WDR62: variants seen among roughly 807,000 people sequenced by gnomAD.
The protein encoded by WDR62 is WD repeat-containing protein 62.
In WDR62, 112 loss-of-function variants were observed where a neutral mutation model predicts 160.6. That is an observed-to-expected ratio of 0.70 (90% CI 0.60 to 0.82). The LOEUF is 0.82. WDR62 is among the 40% of genes least tolerant of loss of function. The pLI, the probability that WDR62 is intolerant of heterozygous loss-of-function variation, is 0.00. For missense variants in WDR62, 1,819 were observed against 1,983.8 expected, an observed-to-expected ratio of 0.92 and a Z score of 1.58; for synonymous variants, 792 against 815.1, an observed-to-expected ratio of 0.97 and a Z score of 0.48.
intron 21 of WDR62, among the ~76,000 whole-genome samples, chr19:36,098,212 T>C (rs1280549409): frequency 4.6e-5 from 7 of 151,344 alleles, no homozygotes; most frequent in African/African-American, 1.7e-4. Flanking sequence ...GAGGCTGCAG[T>C]GATCGTGCTA....
At chr19:36,077,188 T>C (rs950832782) in intron 9 of WDR62, among the ~76,000 whole-genome samples, 1 of 151,942 alleles carries the variant, frequency 6.6e-6, no homozygotes, top group African/African-American at 2.4e-5. Flanking sequence ...CCCCCATCCA[T>C]GGAAATGACT....
chr19:36,056,178 T>C lies in WDR62; in HGVS notation c.177+1030T>C, dbSNP rs531929087. Among the ~76,000 whole-genome samples, 410 of 152,130 alleles carry C rather than the reference T, an allele frequency of 2.7e-3. 3 individuals carry two copies. Among genetic ancestry groups the C allele is most frequent in the African/African-American group, 9.5e-3 (394 of 41,512 alleles). ...GAGACTCTGTCTCAAAATAAATAAATAAATAAATTATACTATTGCATTGGA... is the reference window on the plus strand; with the variant it reads ...GAGACTCTGTCTCAAAATAAATAAACAAATAAATTATACTATTGCATTGGA... On this transcript the variant is annotated intron_variant, in intron 1 of 31. Transcript: ENST00000401500.
intron 3 of WDR62, chr19:36,061,929 C>G (rs927139470): frequency 1.3e-5 from 2 of 151,896 alleles, no homozygotes; most frequent in Admixed American, 1.3e-4. Flanking sequence ...ACATATTTCA[C>G]AAATGTTAGC....
Position 36,073,048 on chromosome 19 carries a change from CAG to C in WDR62, c.1044-285_1044-284del, listed in dbSNP as rs1387865106. Reference sequence around the variant, plus strand: ...TACATGCCTATTATCTTTCTATGCTCAGAGAGAGAGCAGGAGCTTGGGTTGGG... The same window carrying C: ...TACATGCCTATTATCTTTCTATGCTCAGAGAGAGCAGGAGCTTGGGTTGGG... On this transcript the variant is annotated intron_variant, in intron 8 of 31. Coordinates refer to ENST00000401500, the MANE Select transcript of WDR62 (RefSeq NM_001083961.2). Among the ~76,000 whole-genome samples, 3 of 152,092 alleles carry C rather than the reference CAG, an allele frequency of 2.0e-5. No individual in the cohort carries two copies. In the East Asian group the frequency reaches 5.8e-4, roughly 29 times the overall value.
intron 13 of WDR62, among the ~76,000 whole-genome samples, chr19:36,088,435 G>C (rs1468258561): frequency 2.0e-5 from 3 of 152,232 alleles, no homozygotes; most frequent in Non-Finnish European, 4.4e-5. Context: ...GTACGGACCG[G>C]AAGTTGAGGC....
intron 20 of WDR62, among the ~76,000 whole-genome samples, chr19:36,094,738 T>G (rs1316604510): frequency 6.6e-6 from 1 of 151,386 alleles, no homozygotes; most frequent in Non-Finnish European, 1.5e-5. Context: ...AAAAAAAAAT[T>G]TTTTAAAGAA....
rs1045094959 is a variant in WDR62 at position 36,097,046 on chromosome 19, C to G, written c.2487C>G (p.Thr829=). Residue 829 remains threonine, a synonymous_variant, in exon 21 of 32, where the codon ACC becomes ACG. Coordinates refer to ENST00000401500, the MANE Select transcript of WDR62 (RefSeq NM_001083961.2). The part of the protein sequence containing the change: ...SLDPDPRCLL[T]NGKLPLWAKR... ...TTCCAGATCCTCGTTGCCTGCTAAC[C>G]AACGGCAAGCTGCCACTGTGGGCAA... 1.2e-6 allele frequency: 2 copies of G among 1,613,468 alleles called. No homozygotes were observed. The highest frequency in any genetic ancestry group is 3.3e-5 in the Admixed American group (2 of 59,942).
At position 36,071,781 on chromosome 19, in the gene WDR62, C is replaced by T. The variant is rs534656209; in HGVS notation, c.1043+65C>T. On this transcript the variant is annotated intron_variant, in intron 8 of 31. Transcript: ENST00000401500. ...CAGAGTCTGTCCACTGGCATTCATC[C>T]ATGCTTCCAGATCCATCTATCTGTC... 3.9e-6 allele frequency: 6 copies of T among 1,557,628 alleles called. No individual in the cohort carries two copies. The East Asian group carries it at 9.0e-5, about 23-fold the overall frequency.
At chr19:36,066,568 T>C (rs1970954566) in intron 5 of WDR62, 141 bp downstream of exon 5, 1 of 901,812 alleles carries the variant, frequency 1.1e-6, no homozygotes, top group Admixed American at 2.1e-5. Context: ...ACCTGTGACA[T>C]GCTGATCCCT....
chr19:36,085,455 C>T (rs1163269645), intron 12 of WDR62, among the ~76,000 whole-genome samples: 2 of 114,568 alleles, frequency 1.7e-5, no homozygotes, highest in Admixed American at 2.4e-4. Context: ...GAGTCTCACT[C>T]TGTCGCCCTG....
At chr19:36,073,935 C>A in intron 9 of WDR62, 1 of 357,092 alleles carries the variant, frequency 2.8e-6, no homozygotes, top group Admixed American at 3.7e-5. Context: ...AGAGGCCCTG[C>A]GGCAGGAACA....
chr19:36,101,074 G>A (rs1448193987), intron 23 of WDR62, 140 bp from the exon 24 acceptor site: 5 of 1,149,074 alleles, frequency 4.4e-6, no homozygotes, highest in Non-Finnish European at 6.4e-6. Context: ...GAAGGAGGGG[G>A]CATTTGGAGG....
chr19:36,058,204 T>C (rs978192170), intron 1 of WDR62, among the ~76,000 whole-genome samples: 3 of 151,940 alleles, frequency 2.0e-5, no homozygotes, highest in African/African-American at 7.3e-5. Context: ...ATACAAAAAT[T>C]AGCCGGACAT....
At chr19:36,074,216 T>C (rs777266213) in intron 9 of WDR62, 2 of 170,790 alleles carry the variant, frequency 1.2e-5, no homozygotes, top group Non-Finnish European at 2.6e-5. Flanking sequence ...GAAGATCACT[T>C]GAGCCTGGGA....
At chr19:36,081,388 T>C (rs1971889423) in intron 9 of WDR62, 45 bp from the exon 10 acceptor site, 2 of 1,506,898 alleles carry the variant, frequency 1.3e-6, no homozygotes. Context: ...TAAGTCATAG[T>C]GCTGTCATTG....
intron 13 of WDR62, among the ~76,000 whole-genome samples, chr19:36,087,321 A>G (rs555764341): frequency 3.9e-5 from 6 of 152,206 alleles, no homozygotes; most frequent in African/African-American, 1.4e-4. Context: ...TCTGGCCAAC[A>G]TAGTGAAACC....
At chr19:36,076,576 A>G (rs1055025327) in intron 9 of WDR62, among the ~76,000 whole-genome samples, 62 of 151,912 alleles carry the variant, frequency 4.1e-4, no homozygotes, top group African/African-American at 1.3e-3. Context: ...AAAAAAGAAA[A>G]AAGAGAAAGA....
chr19:36,104,131 G>C (rs938241627), intron 30 of WDR62, 150 bp downstream of exon 30: 1 of 1,105,932 alleles, frequency 9.0e-7, no homozygotes, highest in Non-Finnish European at 1.3e-6. Context: ...AGCATTACAT[G>C]TTGGGCTTTG....
intron 20 of WDR62, 117 bp downstream of exon 20, chr19:36,094,281 C>T (rs1225663624): frequency 5.9e-6 from 8 of 1,352,932 alleles, no homozygotes; most frequent in East Asian, 2.4e-5. Context: ...CGACAGGGTG[C>T]GGTGGCTGAT....
Sources: gnomAD v4.1 joint callset for allele counts (sites outside exome capture counted in the v4.1 genomes callset) on GRCh38, gnomAD v4.1.1 for gene constraint, MANE v1.5 for transcripts, NCBI Gene and HGNC (gene_info 2026-07-23, HGNC 2026-07-21) for gene names.